The following EYS variants were observed in gnomAD, a reference collection of about 807,000 sequenced individuals.
EYS encodes the protein protein eyes shut homolog.
EYS carries 250 observed loss-of-function variants against 282.1 expected under a neutral mutation model. The observed-to-expected ratio is 0.89, with a 90% CI of 0.80 to 0.98. The LOEUF (loss-of-function observed/expected upper bound fraction) is 0.98, where lower values mean the gene tolerates loss of function less well. Among genes scored for constraint, EYS ranks in the 50% least tolerant of loss-of-function variants. The probability of loss-of-function intolerance (pLI) is 0.00; values close to 1 mark genes in which losing one functional copy is unlikely to be tolerated. For synonymous variants in EYS, 1,355 were observed against 1,282.9 expected (o/e 1.06, Z -1.20); for missense variants, 4,016 against 3,709.0 (o/e 1.08, Z -2.15).
intron 2 of EYS, among the ~76,000 whole-genome samples, chr6:65,581,186 C>T (rs1339717732): frequency 6.6e-6 from 1 of 151,938 alleles, no homozygotes; most frequent in African/African-American, 2.4e-5. Context: ...AGTAATATTT[C>T]ATGTACTCGT....
intron 22 of EYS, among the ~76,000 whole-genome samples, chr6:64,708,552 T>C (rs1418934622): frequency 6.6e-6 from 1 of 152,146 alleles, no homozygotes; most frequent in Non-Finnish European, 1.5e-5. Context: ...CCAGAGTCAA[T>C]ATTCTGGACA....
At chr6:65,346,176 C>G (rs1053516267) in intron 9 of EYS, among the ~76,000 whole-genome samples, 9 of 151,740 alleles carry the variant, frequency 5.9e-5, no homozygotes, top group African/African-American at 2.2e-4. Context: ...TCATAGAGCT[C>G]CAGTCATCAT....
intron 14 of EYS, among the ~76,000 whole-genome samples, chr6:64,959,291 C>G (rs1391298307): frequency 6.6e-6 from 1 of 152,040 alleles, no homozygotes; most frequent in African/African-American, 2.4e-5. Flanking sequence ...GAAAACAAGC[C>G]CTCCAATCTG....
chr6:64,971,034 T>C (rs1770276173), intron 14 of EYS, among the ~76,000 whole-genome samples: 1 of 152,174 alleles, frequency 6.6e-6, no homozygotes, highest in Non-Finnish European at 1.5e-5. Context: ...CTATAGACTC[T>C]GATATAATGC....
chr6:65,021,649 C>T (rs4527680), intron 13 of EYS, among the ~76,000 whole-genome samples: 145,363 of 152,258 alleles, frequency 0.95, 69,483 homozygotes, highest in African/African-American at 0.99. Context: ...TCCACATTTT[C>T]GGGTATCTTT....
chr6:63,961,366 G>A (rs1217866943), intron 35 of EYS, among the ~76,000 whole-genome samples: 4 of 151,192 alleles, frequency 2.6e-5, no homozygotes, highest in Non-Finnish European at 5.9e-5. Context: ...TTAACTGAGC[G>A]ATTAACCTTG....
intron 28 of EYS, among the ~76,000 whole-genome samples, chr6:64,430,173 G>A (rs1471194160): frequency 6.6e-6 from 1 of 152,064 alleles, no homozygotes; most frequent in Middle Eastern, 3.2e-3. Context: ...TAGTGATAAT[G>A]TTTCCATTGT....
chr6:65,250,616 A>T (rs1767295532), intron 12 of EYS, among the ~76,000 whole-genome samples: 1 of 151,968 alleles, frequency 6.6e-6, no homozygotes. Flanking sequence ...ACTTACTTCC[A>T]ACCATATTCA....
chr6:64,478,768 ATTAT>A (rs957568289), intron 26 of EYS, among the ~76,000 whole-genome samples: 9 of 151,216 alleles, frequency 6.0e-5, no homozygotes, highest in Admixed American at 2.0e-4. Flanking sequence ...GTTTAACTCT[ATTAT>A]TTAAAAATAA....
intron 5 of EYS, among the ~76,000 whole-genome samples, chr6:65,422,099 C>G (rs1017443621): frequency 1.3e-5 from 2 of 152,008 alleles, no homozygotes; most frequent in African/African-American, 4.8e-5. Context: ...ATTGAAGTAT[C>G]TGTGAAGCAC....
chr6:64,863,885 A>AAGTTGG (rs1766329504), intron 19 of EYS, among the ~76,000 whole-genome samples: 1 of 152,176 alleles, frequency 6.6e-6, no homozygotes, highest in Admixed American at 6.6e-5. Context: ...CCTTTCTAAT[A>AAGTTGG]CCTTCCCTGT....
chr6:64,861,934 A>G (rs1245222186), intron 19 of EYS, among the ~76,000 whole-genome samples: 1 of 152,122 alleles, frequency 6.6e-6, no homozygotes, highest in East Asian at 1.9e-4. Context: ...TTTCTGACCA[A>G]TATCATTTTT....
chr6:64,761,599 GGC>G (rs1169826260), intron 22 of EYS, among the ~76,000 whole-genome samples: 1 of 152,122 alleles, frequency 6.6e-6, no homozygotes, highest in Non-Finnish European at 1.5e-5. Context: ...TGGGACTACT[GGC>G]GCATGCCACC....
intron 11 of EYS, among the ~76,000 whole-genome samples, chr6:65,306,630 G>A (rs1273716778): frequency 1.3e-5 from 2 of 150,434 alleles, no homozygotes; most frequent in African/African-American, 2.4e-5. Flanking sequence ...AGAAATACTT[G>A]TTTGTGTTTT....
intron 26 of EYS, among the ~76,000 whole-genome samples, chr6:64,553,502 A>G (rs1765149284): frequency 7.2e-6 from 1 of 138,242 alleles, no homozygotes; most frequent in South Asian, 2.4e-4. Context: ...TTCCTTTAAC[A>G]GTTTTAGAAA....
intron 31 of EYS, among the ~76,000 whole-genome samples, chr6:64,188,878 C>G (rs1015928567): frequency 6.6e-6 from 1 of 152,090 alleles, no homozygotes; most frequent in African/African-American, 2.4e-5. Flanking sequence ...CATTCCACCT[C>G]CCTTTTATCA....
intron 33 of EYS, among the ~76,000 whole-genome samples, chr6:64,005,335 GTTAAC>G (rs1192727816): frequency 5.9e-5 from 9 of 151,992 alleles, no homozygotes; most frequent in African/African-American, 9.7e-5. Flanking sequence ...TTTTTTGCTT[GTTAAC>G]TTAAGTTCCT....
intron 26 of EYS, among the ~76,000 whole-genome samples, chr6:64,527,035 G>T (rs73767307): frequency 0.05 from 7,608 of 151,640 alleles, 645 homozygotes; most frequent in African/African-American, 0.17. Context: ...GTAATCCTTT[G>T]AGTAAAGAAA....
intron 14 of EYS, among the ~76,000 whole-genome samples, chr6:64,989,244 T>A (rs1770966680): frequency 6.7e-6 from 1 of 150,362 alleles, no homozygotes; most frequent in Non-Finnish European, 1.5e-5. Context: ...AAGGCCCTCT[T>A]CTCTTCTATA....
Sources: allele counts gnomAD v4.1 joint callset (sites outside exome capture counted in the v4.1 genomes callset), GRCh38; gene constraint gnomAD v4.1.1; transcripts MANE v1.5; gene names NCBI Gene and HGNC (gene_info 2026-07-23, HGNC 2026-07-21).